Variants in SEZ6L observed in about 807,000 individuals in gnomAD.
SEZ6L encodes the protein seizure related 6 homolog like, also known as seizure 6-like protein.
In SEZ6L, 37 loss-of-function variants were observed where a neutral mutation model predicts 106.2. The observed-to-expected ratio is 0.35, with a 90% CI of 0.27 to 0.46. The LOEUF (loss-of-function observed/expected upper bound fraction) is 0.46. SEZ6L is among the 20% of genes least tolerant of loss of function. SEZ6L has a pLI of 1.00. For missense variants in SEZ6L, 1,172 were observed against 1,332.8 expected, an observed-to-expected ratio of 0.88 and a Z score of 1.88; for synonymous variants, 541 against 570.4, an observed-to-expected ratio of 0.95 and a Z score of 0.73.
chr22:26,365,999 A>G (rs1001130198), intron 13 of SEZ6L, among the ~76,000 whole-genome samples: 1 of 152,188 alleles, frequency 6.6e-6, no homozygotes, highest in Non-Finnish European at 1.5e-5. Context: ...CTATGACACA[A>G]TGTCTTCTCC....
chr22:26,206,646 G>A (rs1941287522), intron 1 of SEZ6L, among the ~76,000 whole-genome samples: 1 of 152,150 alleles, frequency 6.6e-6, no homozygotes, highest in Non-Finnish European at 1.5e-5. Context: ...GCACAGAATG[G>A]CCCTTGTCTG....
intron 9 of SEZ6L, among the ~76,000 whole-genome samples, chr22:26,318,584 T>C (rs543389348): frequency 2.6e-5 from 4 of 152,334 alleles, no homozygotes; most frequent in African/African-American, 9.6e-5. Flanking sequence ...AATTTTTACT[T>C]CATATAAGTT....
At chr22:26,358,251 C>G (rs898345049) in intron 12 of SEZ6L, among the ~76,000 whole-genome samples, 4 of 152,206 alleles carry the variant, frequency 2.6e-5, no homozygotes, top group Non-Finnish European at 5.9e-5. Context: ...TATAGCAGAA[C>G]CATTAAATGG....
Position 26,340,651 on chromosome 22 carries a change from C to A in SEZ6L, c.2212+19C>A. ...TACATAGGTAGGTGTCTCATCTGGTCAATTTATTTTTTCTTTGTGTTTAGA... is the reference window on the plus strand; with the variant it reads ...TACATAGGTAGGTGTCTCATCTGGTAAATTTATTTTTTCTTTGTGTTTAGA... On this transcript the variant is annotated intron_variant, in intron 10 of 16. Coordinates refer to ENST00000248933, the MANE Select transcript of SEZ6L (RefSeq NM_021115.5). 1 of 1,589,124 alleles carries A rather than the reference C, an allele frequency of 6.3e-7. No individual in the cohort carries two copies. Among genetic ancestry groups the A allele is most frequent in the South Asian group, 1.1e-5 (1 of 87,252 alleles).
intron 1 of SEZ6L, among the ~76,000 whole-genome samples, chr22:26,203,394 A>G (rs781627094): frequency 8.5e-5 from 13 of 152,228 alleles, no homozygotes; most frequent in Non-Finnish European, 1.6e-4. Context: ...GTTAACTAAT[A>G]GCTCTATCCC....
At chr22:26,238,660 G>A (rs895254590) in intron 1 of SEZ6L, among the ~76,000 whole-genome samples, 1 of 152,174 alleles carries the variant, frequency 6.6e-6, no homozygotes, top group Admixed American at 6.5e-5. Context: ...GCCAGGCTTC[G>A]CATAAGTTAT....
Position 26,296,985 on chromosome 22 carries a change from A to T in SEZ6L, c.1067A>T (p.Glu356Val). Residue 356 changes from glutamate to valine, a missense_variant, in exon 4 of 17, where the codon GAG (glutamate) becomes GTG (valine). This residue lies in a region of SEZ6L where 534 missense variants were observed against 691.0 expected (regional missense o/e 0.77). Transcript: ENST00000248933. ...CTGGCCAACCAGACACTCCTGGTGGAGGGGCAGGTAATCCGAAGCCCCACC... is the reference window on the plus strand; with the variant it reads ...CTGGCCAACCAGACACTCCTGGTGGTGGGGCAGGTAATCCGAAGCCCCACC... ...TVLANQTLLVEGQVIRSPTNT... is the reference protein window; with the variant it reads ...TVLANQTLLVVGQVIRSPTNT... The T allele has an allele frequency of 6.2e-7, 1 of 1,614,082 alleles. No individual in the cohort carries two copies.
chr22:26,320,709 T>C (rs2082130624), intron 9 of SEZ6L, among the ~76,000 whole-genome samples: 3 of 152,174 alleles, frequency 2.0e-5, no homozygotes, highest in Non-Finnish European at 4.4e-5. Context: ...AAGGTGAGCC[T>C]GGCTGAGAAT....
At chr22:26,304,811 T>C (rs2081583948) in intron 5 of SEZ6L, among the ~76,000 whole-genome samples, 2 of 152,210 alleles carry the variant, frequency 1.3e-5, no homozygotes, top group Admixed American at 1.3e-4. Flanking sequence ...GCTGAAGTAT[T>C]CTTTGAGAAC....
At chr22:26,180,283 A>G (rs1000987024) in intron 1 of SEZ6L, among the ~76,000 whole-genome samples, 2 of 152,218 alleles carry the variant, frequency 1.3e-5, no homozygotes, top group Non-Finnish European at 2.9e-5. Context: ...GTTAAGACAC[A>G]TATTCATCAA....
At chr22:26,330,753 C>T (rs1045153095) in intron 9 of SEZ6L, among the ~76,000 whole-genome samples, 8 of 151,480 alleles carry the variant, frequency 5.3e-5, no homozygotes, top group Non-Finnish European at 7.4e-5. Flanking sequence ...TTTGTTTTCC[C>T]GAAACTGCGT....
intron 9 of SEZ6L, among the ~76,000 whole-genome samples, chr22:26,321,463 G>T (rs900026687): frequency 2.0e-5 from 3 of 152,186 alleles, no homozygotes; most frequent in Non-Finnish European, 4.4e-5. Flanking sequence ...CACTTAAAGA[G>T]ATTAAAGCTT....
intron 1 of SEZ6L, among the ~76,000 whole-genome samples, chr22:26,267,144 A>G (rs2080217433): frequency 1.3e-5 from 2 of 152,232 alleles, no homozygotes; most frequent in Admixed American, 1.3e-4. Flanking sequence ...AATTCTCACA[A>G]CTACCATATG....
intron 1 of SEZ6L, among the ~76,000 whole-genome samples, chr22:26,202,071 G>A (rs1042168670): frequency 3.3e-5 from 5 of 151,916 alleles, no homozygotes; most frequent in African/African-American, 4.8e-5. Flanking sequence ...CCGCCATCAC[G>A]CCCGGCTAAT....
At chr22:26,317,330 G>A (rs550465098) in intron 9 of SEZ6L, among the ~76,000 whole-genome samples, 5 of 152,014 alleles carry the variant, frequency 3.3e-5, no homozygotes, top group African/African-American at 1.2e-4. Context: ...CCAAGAGAAG[G>A]TACGACCTAC....
chr22:26,220,175 A>G (rs1225135258), intron 1 of SEZ6L, among the ~76,000 whole-genome samples: 1 of 152,148 alleles, frequency 6.6e-6, no homozygotes, highest in Non-Finnish European at 1.5e-5. Context: ...TTTCTGGGCC[A>G]CAGATGCCAC....
intron 1 of SEZ6L, among the ~76,000 whole-genome samples, chr22:26,201,769 G>T (rs77687814): frequency 0.012 from 1,855 of 152,222 alleles, 50 homozygotes; most frequent in African/African-American, 0.041. Flanking sequence ...GGTAGTTGAA[G>T]TTGGTCAAAT....
chr22:26,258,216 T>C (rs934960321), intron 1 of SEZ6L, among the ~76,000 whole-genome samples: 4 of 152,152 alleles, frequency 2.6e-5, no homozygotes, highest in African/African-American at 4.8e-5. Context: ...TTCTTACATA[T>C]CCATTCATTC....
intron 1 of SEZ6L, among the ~76,000 whole-genome samples, chr22:26,225,637 T>C (rs1000410619): frequency 2.0e-5 from 3 of 152,152 alleles, no homozygotes; most frequent in African/African-American, 7.2e-5. Context: ...ATTAGGGATG[T>C]GCTTGAGGAA....
Sources: gnomAD v4.1 joint callset for allele counts (sites outside exome capture counted in the v4.1 genomes callset) on GRCh38, gnomAD v4.1.1 for gene constraint, gnomAD v4.1.1 regional missense constraint, MANE v1.5 for transcripts, NCBI Gene and HGNC (gene_info 2026-07-23, HGNC 2026-07-21) for gene names.